PCDHA2: variants seen among roughly 807,000 people sequenced by gnomAD.
The protein encoded by PCDHA2 is protocadherin alpha-2.
PCDHA2 carries 58 observed loss-of-function variants against 66.0 expected under a neutral mutation model. The observed-to-expected ratio is 0.88, with a 90% CI of 0.71 to 1.09. The LOEUF is 1.09. Among genes scored for constraint, PCDHA2 ranks in the 50% least tolerant of loss-of-function variants. PCDHA2 has a pLI of 0.00. For synonymous variants in PCDHA2, 634 were observed against 554.0 expected, an observed-to-expected ratio of 1.14 and a Z score of -2.03; for missense variants, 1,267 against 1,242.3, an observed-to-expected ratio of 1.02 and a Z score of -0.30.
chr5:140,929,460 C>A, intron 1 of PCDHA2: 1 of 1,331,154 alleles, frequency 7.5e-7, no homozygotes, highest in Non-Finnish European at 1.0e-6. Context: ...ACTTCCTGTG[C>A]CAAGAAATCT....
At position 140,828,523 on chromosome 5, in the gene PCDHA2, A is replaced by G. The variant is rs2150156378; in HGVS notation, c.2388+31171A>G. 443 of 1,614,170 alleles carry G rather than the reference A, an allele frequency of 2.7e-4. 1 individual carries two copies. In the African/African-American group the frequency reaches 5.2e-3, roughly 19 times the overall value. ...AGGAACAAAGAGTGCTGATTTACGA[A>G]TCTAGGCTGCCAGATTCTGTGTTTC... On this transcript the variant is annotated intron_variant, in intron 1 of 3. Transcript: ENST00000526136.
intron 3 of PCDHA2, among the ~76,000 whole-genome samples, chr5:140,997,376 C>T (rs1554255857): frequency 2.6e-5 from 4 of 152,144 alleles, no homozygotes. Flanking sequence ...GATGATATAG[C>T]ATACTACACA....
intron 1 of PCDHA2, among the ~76,000 whole-genome samples, chr5:140,951,950 G>A (rs1408300368): frequency 6.6e-6 from 1 of 152,120 alleles, no homozygotes; most frequent in Non-Finnish European, 1.5e-5. Flanking sequence ...GCGGGTACAG[G>A]CATTGGGTAA....
intron 1 of PCDHA2, chr5:140,824,778 C>A (rs189409181): frequency 7.3e-4 from 111 of 151,842 alleles, no homozygotes; most frequent in African/African-American, 2.6e-3. Flanking sequence ...TGTTTTAACA[C>A]CACCCTTCCA....
intron 1 of PCDHA2, among the ~76,000 whole-genome samples, chr5:140,945,071 C>A (rs246061): frequency 0.56 from 85,726 of 151,850 alleles, 24,797 homozygotes; most frequent in African/African-American, 0.69. Context: ...CAGACTCCAC[C>A]AAAACACTCT....
At chr5:140,800,177 G>GA (rs1762518620) in intron 1 of PCDHA2, among the ~76,000 whole-genome samples, 1 of 151,986 alleles carries the variant, frequency 6.6e-6, no homozygotes, top group Non-Finnish European at 1.5e-5. Context: ...AAAGAGTGTG[G>GA]AAAAATTAAA....
At chr5:140,858,209 T>A (rs1554151274) in intron 1 of PCDHA2, 1 of 1,593,850 alleles carries the variant, frequency 6.3e-7, no homozygotes, top group Admixed American at 1.7e-5. Context: ...TGCACTGAGG[T>A]GCTCGGCGGC....
intron 1 of PCDHA2, among the ~76,000 whole-genome samples, chr5:140,899,099 A>G (rs1379248424): frequency 6.6e-6 from 1 of 152,162 alleles, no homozygotes; most frequent in African/African-American, 2.4e-5. Context: ...GGCTGAGATA[A>G]TGGGGTTTTC....
chr5:140,986,792 A>C (rs575794573), intron 3 of PCDHA2, among the ~76,000 whole-genome samples: 1 of 152,220 alleles, frequency 6.6e-6, no homozygotes, highest in Non-Finnish European at 1.5e-5. Context: ...CCACTAAGGC[A>C]GTGAGTCTTA....
Position 140,797,141 on chromosome 5 carries a change from C to T in PCDHA2, c.2177C>T (p.Pro726Leu), listed in dbSNP as rs1554120307. The change falls in exon 1 of 4, where the codon CCA becomes CTA. Residue 726 changes from proline (P) to leucine (L), a missense_variant. Physicochemically the swap from Pro to Leu is moderately conservative, Grantham distance 98. Transcript: ENST00000526136. ...LLYTALRCSV[P>L]PTEGARAPGK... ...TACACTGCGCTGCGGTGCTCGGTGCCACCCACCGAGGGTGCGCGCGCGCCA... is the reference window on the plus strand; with the variant it reads ...TACACTGCGCTGCGGTGCTCGGTGCTACCCACCGAGGGTGCGCGCGCGCCA... 2 of 1,613,998 alleles carry T rather than the reference C, an allele frequency of 1.2e-6. No individual in the cohort carries two copies.
intron 1 of PCDHA2, among the ~76,000 whole-genome samples, chr5:140,943,121 G>A (rs1225385839): frequency 3.3e-5 from 5 of 151,916 alleles, no homozygotes; most frequent in African/African-American, 4.8e-5. Flanking sequence ...AGCCAGGTGT[G>A]GTAGTGGGTG....
chr5:140,929,154 T>C (rs1005551092), intron 1 of PCDHA2: 3 of 1,614,180 alleles, frequency 1.9e-6, no homozygotes, highest in Non-Finnish European at 1.7e-6. Context: ...CTCAGACTTA[T>C]CTCTATCGGG....
chr5:140,943,257 CAAA>C (rs1238620023), intron 1 of PCDHA2, among the ~76,000 whole-genome samples: 2 of 77,570 alleles, frequency 2.6e-5, no homozygotes. Flanking sequence ...GACTCTGTCT[CAAA>C]AAAAAAAAAA....
Position 141,010,304 on chromosome 5 carries a change from A to C in PCDHA2, c.*367A>C. 1.3e-6 allele frequency: 2 copies of C among 1,548,750 alleles called. No homozygotes were observed. Among genetic ancestry groups the C allele is most frequent in the Non-Finnish European group, 8.7e-7 (1 of 1,146,136 alleles). On this transcript the variant is annotated 3_prime_UTR_variant, in exon 4 of 4. Coordinates refer to ENST00000526136, the MANE Select transcript of PCDHA2 (RefSeq NM_018905.3). ...ATGACACTTGCAGGGCAGGCTGAAA[A>C]GTTTTGAGATTGAGCAGCTTGGGAG...
In PCDHA2 at chr5:140,829,080, T is replaced by A. The variant is rs375670586; in HGVS notation, c.2388+31728T>A. Reference sequence around the variant, plus strand: ...GCCACGGACAAAGGCCATCCTCCCATGGCGGGTCATTGCACCGTTTTAGTG... The same window carrying A: ...GCCACGGACAAAGGCCATCCTCCCAAGGCGGGTCATTGCACCGTTTTAGTG... On this transcript the variant is annotated intron_variant, in intron 1 of 3. Coordinates refer to ENST00000526136, the MANE Select transcript of PCDHA2 (RefSeq NM_018905.3). The A allele has an allele frequency of 6.2e-7, 1 of 1,611,960 alleles. No individual in the cohort carries two copies.
rs117857377 is a variant in PCDHA2, at chr5:140,947,298, A to G, written c.2389-31651A>G. ...TTTTTCTTTTTATTGCATTATCTTG[A>G]CATCTTTGTAAAAAGTCGGTTGACC... On this transcript the variant is annotated intron_variant, in intron 1 of 3. Transcript: ENST00000526136. Among the ~76,000 whole-genome samples, 349 of 151,704 alleles carry G rather than the reference A, an allele frequency of 2.3e-3. 8 individuals carry two copies. In the East Asian group the frequency reaches 0.06, roughly 26 times the overall value.
intron 1 of PCDHA2, among the ~76,000 whole-genome samples, chr5:140,918,414 T>G (rs2078683449): frequency 6.6e-6 from 1 of 152,198 alleles, no homozygotes; most frequent in African/African-American, 2.4e-5. Context: ...TGGCCAGGAC[T>G]TCCAGTAGGA....
intron 1 of PCDHA2, chr5:140,824,177 T>G: frequency 1.2e-6 from 2 of 1,609,658 alleles, no homozygotes; most frequent in African/African-American, 2.7e-5. Flanking sequence ...TTTTCAAATA[T>G]TAAATGTCAC....
rs2150147237 is a variant in PCDHA2, at chr5:140,827,344, G to C, written c.2388+29992G>C. Among the ~76,000 whole-genome samples the C allele has an allele frequency of 1.2e-4, 18 of 152,280 alleles. No homozygotes were observed. In the South Asian group the frequency reaches 2.3e-3, roughly 19 times the overall value. ...TAGAATTTGAAGTGGTGAAGTATAT[G>C]AAAAGAAAATATTTTAAGCAAGAAT... On this transcript the variant is annotated intron_variant, in intron 1 of 3. Transcript: ENST00000526136.
Sources: allele counts gnomAD v4.1 joint callset (sites outside exome capture counted in the v4.1 genomes callset), GRCh38; gene constraint gnomAD v4.1.1; transcripts MANE v1.5; gene names NCBI Gene and HGNC (gene_info 2026-07-23, HGNC 2026-07-21).